Variants in VWA8 observed in about 807,000 individuals in gnomAD.
The protein encoded by VWA8 is von Willebrand factor A domain-containing protein 8.
A neutral mutation model predicts 241.5 loss-of-function variants in VWA8; 221 were observed. That is an observed-to-expected ratio of 0.91 (90% CI 0.82 to 1.02). The LOEUF (loss-of-function observed/expected upper bound fraction) is 1.02. VWA8 is among the 50% of genes least tolerant of loss of function. The pLI, the probability that VWA8 is intolerant of heterozygous loss-of-function variation, is 0.00. For synonymous variants in VWA8, 852 were observed against 827.1 expected (o/e 1.03, Z -0.52); for missense variants, 2,322 against 2,328.7 (o/e 1.00, Z 0.06).
intron 3 of VWA8, among the ~76,000 whole-genome samples, chr13:41,911,116 T>C (rs369568888): frequency 1.4e-5 from 2 of 146,720 alleles, no homozygotes; most frequent in African/African-American, 5.1e-5. Flanking sequence ...CAGGCTGGAG[T>C]GCAATGGCAC....
intron 17 of VWA8, among the ~76,000 whole-genome samples, chr13:41,804,281 C>T (rs188214370): frequency 1.2e-4 from 18 of 152,212 alleles, no homozygotes; most frequent in African/African-American, 4.3e-4. Flanking sequence ...AAACAAACAA[C>T]ATATAATGGA....
intron 21 of VWA8, among the ~76,000 whole-genome samples, chr13:41,747,155 G>A (rs1027441762): frequency 6.6e-6 from 1 of 152,190 alleles, no homozygotes; most frequent in Non-Finnish European, 1.5e-5. Flanking sequence ...GTAGCTTGAT[G>A]GGGATGACAT....
At chr13:41,896,249 C>T (rs543813042) in intron 4 of VWA8, among the ~76,000 whole-genome samples, 2 of 151,908 alleles carry the variant, frequency 1.3e-5, no homozygotes, top group East Asian at 1.9e-4. Flanking sequence ...TGTAAGGAAA[C>T]TAGTTAATAA....
rs565888662 is a variant in VWA8 at position 41,691,284 on chromosome 13, A to T, written c.3866+36T>A. 6 of 1,598,400 alleles carry T rather than the reference A, an allele frequency of 3.8e-6. No homozygotes were observed. In the African/African-American group the frequency reaches 8.1e-5, roughly 22 times the overall value. Reference sequence around the variant, plus strand: ...TAATTCATAAATAAGATTGAGCTACAACATACTCCATGATACACTATATAA... The same window carrying T: ...TAATTCATAAATAAGATTGAGCTACTACATACTCCATGATACACTATATAA... On this transcript the variant is annotated intron_variant, in intron 32 of 44. Transcript: ENST00000379310.
At chr13:41,895,115 ATGTTGGAGATAGTTTGGTC>A (rs1875035962) in intron 4 of VWA8, among the ~76,000 whole-genome samples, 1 of 152,082 alleles carries the variant, frequency 6.6e-6, no homozygotes, top group Non-Finnish European at 1.5e-5. Flanking sequence ...TTGCTACTAG[ATGTTGGAGATAGTTTGGTC>A]TGTTTACTGA....
intron 36 of VWA8, among the ~76,000 whole-genome samples, chr13:41,674,279 G>A (rs879632547): frequency 6.6e-6 from 1 of 152,148 alleles, no homozygotes; most frequent in Non-Finnish European, 1.5e-5. Context: ...AAGAAAGGAA[G>A]CCTGGTGACA....
intron 26 of VWA8, 130 bp from the exon 27 acceptor site, chr13:41,703,541 C>A: frequency 5.8e-5 from 38 of 659,294 alleles, no homozygotes; most frequent in Admixed American, 8.6e-5. Context: ...AGTTATACAT[C>A]ATTTTATTAA....
chr13:41,624,108 C>T (rs1460654097), intron 37 of VWA8, among the ~76,000 whole-genome samples: 5 of 152,110 alleles, frequency 3.3e-5, no homozygotes, highest in Non-Finnish European at 7.4e-5. Flanking sequence ...TACAACCTCA[C>T]AAGATTGAAC....
chr13:41,641,922 C>A (rs920105283), intron 37 of VWA8, among the ~76,000 whole-genome samples: 10 of 152,088 alleles, frequency 6.6e-5, no homozygotes, highest in Non-Finnish European at 1.0e-4. Context: ...ACAAATCTAT[C>A]TTCTAAATAA....
intron 26 of VWA8, among the ~76,000 whole-genome samples, chr13:41,706,902 A>G (rs2045286193): frequency 6.6e-6 from 1 of 152,224 alleles, no homozygotes; most frequent in Admixed American, 6.5e-5. Context: ...ATGGGGAAGG[A>G]GAAGGAACTT....
chr13:41,853,177 AAT>A (rs1415066988), intron 12 of VWA8, among the ~76,000 whole-genome samples: 1 of 152,156 alleles, frequency 6.6e-6, no homozygotes, highest in African/African-American at 2.4e-5. Context: ...TAGTACATTG[AAT>A]AGAGTGGTGA....
chr13:41,738,220 T>A (rs759801863), intron 21 of VWA8, among the ~76,000 whole-genome samples: 5 of 152,208 alleles, frequency 3.3e-5, no homozygotes, highest in Non-Finnish European at 7.4e-5. Flanking sequence ...CTTAAAATAG[T>A]TATTTTGTTG....
At chr13:41,836,766 G>A (rs1188143705) in intron 12 of VWA8, among the ~76,000 whole-genome samples, 6 of 152,028 alleles carry the variant, frequency 3.9e-5, no homozygotes, top group Non-Finnish European at 7.4e-5. Context: ...TTGGAGACTC[G>A]CTTACATTTG....
At chr13:41,822,885 A>G (rs1054928740) in intron 14 of VWA8, among the ~76,000 whole-genome samples, 3 of 152,154 alleles carry the variant, frequency 2.0e-5, no homozygotes, top group Admixed American at 6.6e-5. Context: ...CCATTTATAT[A>G]AAACTCTAGA....
At chr13:41,947,598 A>C (rs917970563) in intron 2 of VWA8, among the ~76,000 whole-genome samples, 3 of 152,234 alleles carry the variant, frequency 2.0e-5, no homozygotes, top group African/African-American at 7.2e-5. Context: ...TAGAATCCTC[A>C]CACATTGCTA....
intron 28 of VWA8, among the ~76,000 whole-genome samples, chr13:41,700,878 G>A (rs748826715): frequency 6.6e-6 from 1 of 152,156 alleles, no homozygotes; most frequent in African/African-American, 2.4e-5. Context: ...GTAACTGACA[G>A]CAGTTGAGGA....
chr13:41,691,208 G>A, intron 32 of VWA8, 112 bp downstream of exon 32: 1 of 1,339,336 alleles, frequency 7.5e-7, no homozygotes. Flanking sequence ...GCCAAACACA[G>A]AAATTGTTAA....
chr13:41,834,844 A>G (rs1422309351), intron 12 of VWA8, among the ~76,000 whole-genome samples: 2 of 152,224 alleles, frequency 1.3e-5, no homozygotes, highest in African/African-American at 2.4e-5. Context: ...ATGCCCATCA[A>G]TGATAGACTG....
At chr13:41,634,434 A>T (rs574342945) in intron 37 of VWA8, among the ~76,000 whole-genome samples, 1 of 152,266 alleles carries the variant, frequency 6.6e-6, no homozygotes, top group East Asian at 1.9e-4. Flanking sequence ...CCAATTTTTG[A>T]CGTATTCTGA....
Sources: gnomAD v4.1 joint callset for allele counts (sites outside exome capture counted in the v4.1 genomes callset) on GRCh38, gnomAD v4.1.1 for gene constraint, MANE v1.5 for transcripts, NCBI Gene and HGNC (gene_info 2026-07-23, HGNC 2026-07-21) for gene names.